The following ADGRB3 variants were observed in gnomAD, a reference collection of about 807,000 sequenced individuals.
The protein encoded by ADGRB3 is brain-specific angiogenesis inhibitor 3.
A neutral mutation model predicts 193.4 loss-of-function variants in ADGRB3; 37 were observed. The observed-to-expected ratio is 0.19, with a 90% CI of 0.15 to 0.25. The LOEUF (loss-of-function observed/expected upper bound fraction) is 0.25. ADGRB3 is among the 10% of genes least tolerant of loss of function. ADGRB3 has a pLI of 1.00. For synonymous variants in ADGRB3, 690 were observed against 644.2 expected, an observed-to-expected ratio of 1.07 and a Z score of -1.08; for missense variants, 1,637 against 1,852.9, an observed-to-expected ratio of 0.88 and a Z score of 2.14.
chr6:69,214,574 A>G (rs1765735604), intron 17 of ADGRB3, among the ~76,000 whole-genome samples: 1 of 152,096 alleles, frequency 6.6e-6, no homozygotes, highest in African/African-American at 2.4e-5. Flanking sequence ...TGTAAAGACT[A>G]GATCCCCCAA....
At chr6:68,913,409 A>C (rs1214521461) in intron 3 of ADGRB3, among the ~76,000 whole-genome samples, 1 of 151,808 alleles carries the variant, frequency 6.6e-6, no homozygotes, top group Non-Finnish European at 1.5e-5. Context: ...TTCTGCAGCC[A>C]CCGCTGCTGA....
At chr6:69,240,578 C>G (rs1273753072) in intron 20 of ADGRB3, among the ~76,000 whole-genome samples, 1 of 151,270 alleles carries the variant, frequency 6.6e-6, no homozygotes, top group African/African-American at 2.4e-5. Flanking sequence ...GGATGCCAAT[C>G]AGAATTGGGA....
At chr6:69,115,964 C>T (rs1350012206) in intron 17 of ADGRB3, among the ~76,000 whole-genome samples, 1 of 152,168 alleles carries the variant, frequency 6.6e-6, no homozygotes, top group Non-Finnish European at 1.5e-5. Context: ...AATTGGTTTG[C>T]ACAATTATGG....
intron 11 of ADGRB3, among the ~76,000 whole-genome samples, chr6:69,006,628 C>T (rs979968673): frequency 7.2e-5 from 11 of 151,918 alleles, no homozygotes; most frequent in African/African-American, 2.2e-4. Context: ...GCCTTAGCCT[C>T]CTAAGTAGCT....
chr6:69,286,411 G>A lies in ADGRB3; in HGVS notation c.2815-38461G>A, dbSNP rs1018194681. 2.0e-5 allele frequency among the ~76,000 whole-genome samples: 3 copies of A among 152,018 alleles called. No individual in the cohort carries two copies. In the South Asian group the frequency reaches 6.2e-4, roughly 32 times the overall value. On this transcript the variant is annotated intron_variant, in intron 20 of 31. Transcript: ENST00000370598. ...TTGCTTTCTACTTTCAACTGTTCAT[G>A]TCTGACAGCAGTGTGAGAACCCCAA...
At chr6:68,667,261 A>G (rs1298867115) in intron 3 of ADGRB3, among the ~76,000 whole-genome samples, 2 of 151,910 alleles carry the variant, frequency 1.3e-5, no homozygotes, top group African/African-American at 2.4e-5. Flanking sequence ...TAAGATTTAC[A>G]AGTGATTATT....
intron 21 of ADGRB3, 23 bp from the exon 22 acceptor site, chr6:69,327,797 G>A: frequency 1.2e-6 from 2 of 1,600,712 alleles, no homozygotes; most frequent in South Asian, 1.1e-5. Context: ...AAATATGAAT[G>A]CGTGACATTG....
chr6:68,859,326 C>A (rs928126190), intron 3 of ADGRB3, among the ~76,000 whole-genome samples: 1 of 152,256 alleles, frequency 6.6e-6, no homozygotes, highest in African/African-American at 2.4e-5. Flanking sequence ...CCACATCTTC[C>A]TGTCTTCTGA....
chr6:68,768,313 A>T (rs778177747), intron 3 of ADGRB3, among the ~76,000 whole-genome samples: 1 of 152,160 alleles, frequency 6.6e-6, no homozygotes, highest in Non-Finnish European at 1.5e-5. Flanking sequence ...ACAGTAACCA[A>T]AACAGCATGG....
intron 20 of ADGRB3, among the ~76,000 whole-genome samples, chr6:69,309,358 T>A (rs1009345047): frequency 2.0e-5 from 3 of 151,748 alleles, no homozygotes; most frequent in African/African-American, 7.2e-5. Flanking sequence ...TGTATTATTA[T>A]GAGATGCAAT....
At chr6:69,340,704 T>C (rs1768955749) in intron 26 of ADGRB3, among the ~76,000 whole-genome samples, 1 of 152,094 alleles carries the variant, frequency 6.6e-6, no homozygotes, top group South Asian at 2.1e-4. Flanking sequence ...CCATGGTGGT[T>C]TGCTGCACCC....
intron 3 of ADGRB3, among the ~76,000 whole-genome samples, chr6:68,833,678 A>T (rs1767996241): frequency 6.6e-6 from 1 of 151,876 alleles, no homozygotes; most frequent in African/African-American, 2.4e-5. Flanking sequence ...AAACAATAAA[A>T]TTCATTAATA....
chr6:68,662,550 T>A lies in ADGRB3; in HGVS notation c.757+23118T>A, dbSNP rs186562629. On this transcript the variant is annotated intron_variant, in intron 3 of 31. Transcript: ENST00000370598. ...AGTTGTATTAAAAATTATAAAAAAA[T>A]TTCTTTCAATATCTGTTAAACAATT... is the stretch of plus-strand genomic sequence containing the variant. 1.7e-3 allele frequency among the ~76,000 whole-genome samples: 254 copies of A among 151,590 alleles called. 2 individuals are homozygous for A. Among genetic ancestry groups the A allele is most frequent in the East Asian group, 0.015 (76 of 5,138 alleles).
chr6:68,805,939 C>G (rs182359026), intron 3 of ADGRB3, among the ~76,000 whole-genome samples: 1 of 152,190 alleles, frequency 6.6e-6, no homozygotes, highest in Admixed American at 6.5e-5. Flanking sequence ...TTATTTTTGT[C>G]TTAAAATATA....
At chr6:68,794,559 C>T (rs983813668) in intron 3 of ADGRB3, among the ~76,000 whole-genome samples, 1 of 152,064 alleles carries the variant, frequency 6.6e-6, no homozygotes, top group African/African-American at 2.4e-5. Context: ...ATATTCACAA[C>T]AACCCTTTGA....
chr6:69,154,328 AT>A lies in ADGRB3; in HGVS notation c.2480+78294del, dbSNP rs1369318112. Among the ~76,000 whole-genome samples, 25 of 152,196 alleles carry A rather than the reference AT, an allele frequency of 1.6e-4. 1 individual carries two copies. In the South Asian group the frequency reaches 5.2e-3, roughly 32 times the overall value. ...CTATCTTCACTTTCACTACCAGAAT[AT>A]TTTATCTTTTGGTTGTTTCCCACCT... On this transcript the variant is annotated intron_variant, in intron 17 of 31. Transcript: ENST00000370598.
Position 69,372,521 on chromosome 6 carries a change from T to C in ADGRB3, c.4275+80T>C, listed in dbSNP as rs567590052. Reference sequence around the variant, plus strand: ...TATAGTTACTTAAAAATTATTACTCTATGCAGCCATGTAAGGGTATTATGT... The same window carrying C: ...TATAGTTACTTAAAAATTATTACTCCATGCAGCCATGTAAGGGTATTATGT... On this transcript the variant is annotated intron_variant, in intron 30 of 31. Coordinates refer to ENST00000370598, the MANE Select transcript of ADGRB3 (RefSeq NM_001704.3). The C allele has an allele frequency of 1.8e-4, 123 of 679,858 alleles. 3 individuals are homozygous for C. In the South Asian group the frequency reaches 3.5e-3, roughly 19 times the overall value. 42.1% of individuals were successfully genotyped at this position (679,858 alleles called of 1,614,324 possible).
At chr6:69,206,108 A>C (rs910949285) in intron 17 of ADGRB3, among the ~76,000 whole-genome samples, 3 of 144,900 alleles carry the variant, frequency 2.1e-5, no homozygotes, top group Non-Finnish European at 4.5e-5. Flanking sequence ...TCACACTATC[A>C]TAAGGTCCCA....
At chr6:69,073,747 A>G (rs1772147061) in intron 16 of ADGRB3, among the ~76,000 whole-genome samples, 1 of 152,112 alleles carries the variant, frequency 6.6e-6, no homozygotes. Context: ...TAAATCATAA[A>G]ATAGGGCCAG....
Sources: allele counts gnomAD v4.1 joint callset (sites outside exome capture counted in the v4.1 genomes callset), GRCh38; gene constraint gnomAD v4.1.1; transcripts MANE v1.5; gene names NCBI Gene and HGNC (gene_info 2026-07-23, HGNC 2026-07-21).